The following AHDC1 variants were observed in gnomAD, a reference collection of about 807,000 sequenced individuals.
AHDC1 encodes the protein AT-hook DNA binding motif containing 1, also known as transcription factor Gibbin.
AHDC1 carries 7 observed loss-of-function variants against 87.9 expected under a neutral mutation model. The ratio of observed to expected loss-of-function variants is 0.08; its 90% CI spans 0.05 to 0.15. AHDC1 has a LOEUF of 0.15. Ranked by LOEUF, AHDC1 falls within the 10% of genes least tolerant of loss-of-function variation. The pLI is 1.00. For missense variants in AHDC1, 1,841 were observed against 2,253.2 expected (o/e 0.82, Z 3.70); for synonymous variants, 1,051 against 1,006.8 (o/e 1.04, Z -0.83).
rs544317511 is a variant in AHDC1, at chr1:27,594,755, A to C, written c.-629+8642T>G. 2.0e-5 allele frequency among the ~76,000 whole-genome samples: 3 copies of C among 152,198 alleles called. No homozygotes were observed. In the South Asian group the frequency reaches 6.2e-4, roughly 32 times the overall value. On this transcript the variant is annotated intron_variant, in intron 3 of 8. Coordinates refer to ENST00000673934, the MANE Select transcript of AHDC1 (RefSeq NM_001371928.1). ...CAGGCTGAGGCTGTCTAGGGGAACA[A>C]GGTGGGGGAGAGGGTGTGCTGGAAT...
chr1:27,549,265 G>C lies in AHDC1; in HGVS notation c.2851C>G (p.Pro951Ala), dbSNP rs1235780679. 6.2e-7 allele frequency: 1 copy of C among 1,604,144 alleles called. No homozygotes were observed. The change falls in exon 8 of 9, where the codon CCC becomes GCC. Residue 951 changes from proline to alanine, a missense_variant. Transcript: ENST00000673934. ...AETFPKLVPP[P>A]SAMARSPTTH... ...GTAGGTGAGCGGGCCATGGCTGAGG[G>C]CGGGGGCACCAGCTTGGGGAAGGTC... is the stretch of plus-strand genomic sequence containing the variant.
chr1:27,575,437 C>T (rs111962181), intron 3 of AHDC1, among the ~76,000 whole-genome samples: 1,595 of 152,254 alleles, frequency 0.01, 32 homozygotes, highest in African/African-American at 0.037. Flanking sequence ...TCTCCACTCC[C>T]GCAGTCTGGG....
chr1:27,579,044 C>CTT (rs367554284), intron 3 of AHDC1, among the ~76,000 whole-genome samples: 7,577 of 133,298 alleles, frequency 0.057, 488 homozygotes, highest in African/African-American at 0.16. Context: ...TGTTCTAAAT[C>CTT]TTTTTTTTTT....
chr1:27,544,643 C>T (rs2019083744), intron 8 of AHDC1, among the ~76,000 whole-genome samples: 1 of 152,216 alleles, frequency 6.6e-6, no homozygotes, highest in Non-Finnish European at 1.5e-5. Context: ...TTGCCACTCT[C>T]CTTCTCTGTA....
intron 8 of AHDC1, among the ~76,000 whole-genome samples, chr1:27,536,108 A>C (rs1044998242): frequency 2.0e-5 from 3 of 152,112 alleles, no homozygotes; most frequent in Non-Finnish European, 2.9e-5. Flanking sequence ...GTCCTCCCCC[A>C]CACCAGCAGG....
intron 3 of AHDC1, among the ~76,000 whole-genome samples, chr1:27,586,222 C>T (rs2089053269): frequency 6.6e-6 from 1 of 152,218 alleles, no homozygotes; most frequent in South Asian, 2.1e-4. Flanking sequence ...TCAGGTCAGG[C>T]CCCTCATTGC....
intron 3 of AHDC1, among the ~76,000 whole-genome samples, chr1:27,570,053 A>G (rs1406227844): frequency 6.6e-6 from 1 of 151,784 alleles, no homozygotes; most frequent in Non-Finnish European, 1.5e-5. Context: ...CCTCCTGTTA[A>G]CCCTCTGCAT....
intron 5 of AHDC1, among the ~76,000 whole-genome samples, chr1:27,555,342 G>A (rs1455682462): frequency 6.6e-6 from 1 of 152,226 alleles, no homozygotes; most frequent in East Asian, 1.9e-4. Flanking sequence ...AAGAGGGAAA[G>A]AGACTTTGTC....
rs1454882421 is a variant in AHDC1, at chr1:27,562,020, G to T, written c.-628-3137C>A. 6.6e-6 allele frequency among the ~76,000 whole-genome samples: 1 copy of T among 152,112 alleles called. No individual in the cohort carries two copies. The highest frequency in any genetic ancestry group is 6.5e-5 in the Admixed American group (1 of 15,280). On this transcript the variant is annotated intron_variant, in intron 3 of 8. Transcript: ENST00000673934. The surrounding 1 kb of genome is among the most constrained non-coding windows in gnomAD (Gnocchi z 4.4). ...GCCCCAGAGGGGAGAGAGGCACGGG[G>T]GAAGCGAGCCAGGCAGAGATGGGAA...
At position 27,550,606 on chromosome 1, in the gene AHDC1, C is replaced by G; in HGVS notation, c.1510G>C (p.Val504Leu). Residue 504 changes from valine to leucine, a missense_variant, in exon 8 of 9, where the codon GTG becomes CTG. By Grantham distance (32) the Val-to-Leu change is conservative. Around this residue, in one of 13 missense-constraint regions of AHDC1, gnomAD observed 27 missense variants for 58.6 expected, o/e 0.46. Coordinates refer to ENST00000673934, the MANE Select transcript of AHDC1 (RefSeq NM_001371928.1). ...KVSSLSSSLS[V>L]EGKELGLRVS... is the part of the protein sequence containing the mutation. ...CGCAGGCCCAGCTCCTTGCCCTCCA[C>G]GCTCAGGCTGCTGCTCAAGGAAGAC... is the stretch of plus-strand genomic sequence containing the variant. The G allele has an allele frequency of 6.2e-7, 1 of 1,613,810 alleles. No homozygotes were observed. Among genetic ancestry groups the G allele is most frequent in the Non-Finnish European group, 8.5e-7 (1 of 1,180,052 alleles).
Position 27,599,214 on chromosome 1 carries a change from C to T in AHDC1, c.-629+4183G>A, listed in dbSNP as rs151082292. On this transcript the variant is annotated intron_variant, in intron 3 of 8. Coordinates refer to ENST00000673934, the MANE Select transcript of AHDC1 (RefSeq NM_001371928.1). ...GGCCAGGGCCAGGGCCAGGGGCTGG[C>T]TCCCTCCCTCTCGAGCTCTCCTTGC... is the stretch of plus-strand genomic sequence containing the variant. 4.7e-3 allele frequency among the ~76,000 whole-genome samples: 717 copies of T among 152,200 alleles called. 3 individuals are homozygous for T. Among genetic ancestry groups the T allele is most frequent in the Admixed American group, 0.013 (202 of 15,300 alleles).
At position 27,559,445 on chromosome 1, in the gene AHDC1, T is replaced by C. The variant is rs907354044; in HGVS notation, c.-628-562A>G. Among the ~76,000 whole-genome samples, 6 of 152,258 alleles carry C rather than the reference T, an allele frequency of 3.9e-5. No individual in the cohort carries two copies. The South Asian group carries it at 1.2e-3, about 32-fold the overall frequency. ...CATGCATATACATGCACATATACTA[T>C]AGTGGAAGGAACCTGGCCTTTGGGA... is the stretch of plus-strand genomic sequence containing the variant. On this transcript the variant is annotated intron_variant, in intron 3 of 8. Transcript: ENST00000673934.
In AHDC1 at chr1:27,571,611, G is replaced by A. The variant is rs148490419; in HGVS notation, c.-628-12728C>T. Among the ~76,000 whole-genome samples, 1,116 of 151,508 alleles carry A rather than the reference G, an allele frequency of 7.4e-3. 3 individuals carry two copies. The highest frequency in any genetic ancestry group is 0.012 in the Admixed American group (184 of 15,224). ...GCTCAGGAATTCCACCAGCCAAGGA[G>A]GGGGGGGTGGCTGCTTCGGCCTCAG... is the stretch of plus-strand genomic sequence containing the variant. On this transcript the variant is annotated intron_variant, in intron 3 of 8. Coordinates refer to ENST00000673934, the MANE Select transcript of AHDC1 (RefSeq NM_001371928.1).
In AHDC1 at chr1:27,551,294, C is replaced by A. The variant is rs775200356; in HGVS notation, c.822G>T (p.Gln274His). The A allele has an allele frequency of 8.7e-6, 14 of 1,611,206 alleles. No homozygotes were observed. The highest frequency in any genetic ancestry group is 1.7e-6 in the Non-Finnish European group (2 of 1,179,300). Residue 274 changes from glutamine to histidine, a missense_variant, in exon 8 of 9, where the codon CAG becomes CAT. By Grantham distance (24) the Gln-to-His change is conservative. This residue lies in a region of AHDC1 where 370 missense variants were observed against 391.5 expected (regional missense o/e 0.95). Coordinates refer to ENST00000673934, the MANE Select transcript of AHDC1 (RefSeq NM_001371928.1). ...GGAAGCGGGGCTGGGGGTCCAGGAG[C>A]TGAGGCTCCGGCTCGGGCGATGGTG... ...LEPPSPEPEP[Q>H]LLDPQPRFLD... is the part of the protein sequence containing the mutation.
At chr1:27,576,383 T>G (rs199757932) in intron 3 of AHDC1, among the ~76,000 whole-genome samples, 1 of 152,182 alleles carries the variant, frequency 6.6e-6, no homozygotes, top group East Asian at 1.9e-4. Flanking sequence ...ATCTGAACAA[T>G]GCGTTTTCAC....
At chr1:27,574,053 C>A (rs1018891653) in intron 3 of AHDC1, among the ~76,000 whole-genome samples, 10 of 152,176 alleles carry the variant, frequency 6.6e-5, no homozygotes. Flanking sequence ...TAAGGAGGAA[C>A]CCCGAGGCAT....
Position 27,550,819 on chromosome 1 carries a change from G to T in AHDC1, c.1297C>A (p.Pro433Thr). Residue 433 changes from proline (P) to threonine (T), a missense_variant, in exon 8 of 9, where the codon CCG becomes ACG. This residue lies in a region of AHDC1 where 370 missense variants were observed against 391.5 expected (regional missense o/e 0.95). Coordinates refer to ENST00000673934, the MANE Select transcript of AHDC1 (RefSeq NM_001371928.1). ...VAALAEPPPP[P>T]PPPPPALPGP... Reference sequence around the variant, plus strand: ...GGCAGGGCAGGGGGTGGAGGAGGCGGTGGTGGTGGGGGTTCGGCCAGGGCA... The same window carrying T: ...GGCAGGGCAGGGGGTGGAGGAGGCGTTGGTGGTGGGGGTTCGGCCAGGGCA... 6.4e-7 allele frequency: 1 copy of T among 1,565,688 alleles called. No homozygotes were observed. Among genetic ancestry groups the T allele is most frequent in the South Asian group, 1.2e-5 (1 of 86,734 alleles).
chr1:27,557,877 C>A (rs928717695), intron 5 of AHDC1, among the ~76,000 whole-genome samples: 1 of 152,190 alleles, frequency 6.6e-6, no homozygotes, highest in African/African-American at 2.4e-5. Context: ...GTATATTACC[C>A]CATGTGCACG....
At position 27,595,678 on chromosome 1, in the gene AHDC1, A is replaced by G. The variant is rs546649322; in HGVS notation, c.-629+7719T>C. Among the ~76,000 whole-genome samples, 21 of 152,026 alleles carry G rather than the reference A, an allele frequency of 1.4e-4. 1 individual carries two copies. The South Asian group carries it at 4.2e-3, about 30-fold the overall frequency. ...ACCTGCAAGGGTCTGGGGAGGCGTT[A>G]GAGACCTGAGGTCCCTCCATACGTG... On this transcript the variant is annotated intron_variant, in intron 3 of 8. Transcript: ENST00000673934. This position sits in a 1 kb window ranked among gnomAD's most constrained non-coding sequence, Gnocchi z 4.0.
Sources: gnomAD v4.1 joint callset for allele counts (sites outside exome capture counted in the v4.1 genomes callset) on GRCh38, gnomAD v4.1.1 for gene constraint, gnomAD v4.1.1 regional missense constraint, Gnocchi (gnomAD v3.1) non-coding constraint, MANE v1.5 for transcripts, NCBI Gene and HGNC (gene_info 2026-07-23, HGNC 2026-07-21) for gene names.